Variants in MYPN observed in about 807,000 individuals in gnomAD.
MYPN encodes sarcomeric protein myopalladin, 145 kDa (MYOP).
In MYPN, 63 loss-of-function variants were observed where a neutral mutation model predicts 129.4. The observed-to-expected ratio is 0.49, with a 90% CI of 0.40 to 0.60. The LOEUF (loss-of-function observed/expected upper bound fraction) is 0.60, where lower values mean the gene tolerates loss of function less well. Ranked by LOEUF, MYPN falls within the 20% of genes least tolerant of loss-of-function variation. MYPN has a pLI of 0.00. For synonymous variants in MYPN, 629 were observed against 600.9 expected, an observed-to-expected ratio of 1.05 and a Z score of -0.68; for missense variants, 1,596 against 1,635.4, an observed-to-expected ratio of 0.98 and a Z score of 0.42.
chr10:68,185,864 C>A (rs1202038201), intron 12 of MYPN, among the ~76,000 whole-genome samples: 1 of 152,060 alleles, frequency 6.6e-6, no homozygotes, highest in Non-Finnish European at 1.5e-5. Flanking sequence ...TTTAAACTGG[C>A]AAGTCTAGAA....
rs1283501759 is a variant in MYPN, at chr10:68,121,615, C to G, written c.177C>G (p.Asp59Glu). 9.3e-6 allele frequency: 15 copies of G among 1,614,120 alleles called. No individual in the cohort carries two copies. The highest frequency in any genetic ancestry group is 1.3e-5 in the Non-Finnish European group (15 of 1,180,048). Residue 59 changes from aspartate (D) to glutamate (E), a missense_variant, in exon 2 of 20, where the codon GAC becomes GAG. By Grantham distance (45) the Asp-to-Glu change is conservative. Coordinates refer to ENST00000358913, the MANE Select transcript of MYPN (RefSeq NM_032578.4). The stretch of plus-strand genomic sequence containing the variant: ...CTGAAGGAGGCGGAGGCCAAGATGA[C>G]CTTCCAGATCTTTCAGCCTTTCTGA... ...GAAEGGGGQD[D>E]LPDLSAFLSQ...
chr10:68,188,862 T>A (rs752583923), intron 12 of MYPN, 43 bp from the exon 13 acceptor site: 1 of 1,544,758 alleles, frequency 6.5e-7, no homozygotes, highest in Admixed American at 1.7e-5. Context: ...GACATGTTCT[T>A]CCTTGCCATA....
intron 17 of MYPN, among the ~76,000 whole-genome samples, chr10:68,200,712 T>C (rs2043695323): frequency 6.6e-6 from 1 of 151,544 alleles, no homozygotes; most frequent in Admixed American, 6.6e-5. Context: ...CAGCCAAGAT[T>C]GCACCACTGC....
rs1165931583 is a variant in MYPN at position 68,211,665 on chromosome 10, C to G, written c.*1210C>G. ...CTAGTACCTAGAAGAGTACCTAGCACAAAGTAGACATTCAATAAATATTTG... is the reference window on the plus strand; with the variant it reads ...CTAGTACCTAGAAGAGTACCTAGCAGAAAGTAGACATTCAATAAATATTTG... On this transcript the variant is annotated 3_prime_UTR_variant, in exon 20 of 20. Transcript: ENST00000358913. 6.6e-6 allele frequency: 3 copies of G among 453,990 alleles called. No individual in the cohort carries two copies. Among genetic ancestry groups the G allele is most frequent in the African/African-American group, 6.0e-5 (3 of 49,998 alleles). 28.1% of individuals were successfully genotyped at this position (453,990 alleles called of 1,614,324 possible).
chr10:68,174,107 T>C lies in MYPN; in HGVS notation c.2015T>C (p.Leu672Pro), dbSNP rs750020097. 1.2e-6 allele frequency: 2 copies of C among 1,614,174 alleles called. No homozygotes were observed. The highest frequency in any genetic ancestry group is 1.7e-5 in the Admixed American group (1 of 60,022). Residue 672 changes from leucine to proline, a missense_variant, in exon 11 of 20, where the codon CTG becomes CCG. By Grantham distance (98) the Leu-to-Pro change is moderately conservative (BLOSUM62 -3). Transcript: ENST00000358913. The stretch of plus-strand genomic sequence containing the variant: ...CAACAGCTTCATAACCAAGTCTTAC[T>C]GGAACAACACCAATTGCAAAACCCA... ...QLQQLHNQVLLEQHQLQNPPP... is the reference protein window; with the variant it reads ...QLQQLHNQVLPEQHQLQNPPP...
At chr10:68,130,314 G>A (rs142798018) in intron 2 of MYPN, among the ~76,000 whole-genome samples, 3,292 of 152,090 alleles carry the variant, frequency 0.022, 68 homozygotes, top group Admixed American at 0.057. Context: ...ACAAAAATTA[G>A]CCAGGCGTGG....
intron 12 of MYPN, among the ~76,000 whole-genome samples, chr10:68,186,960 A>C (rs1210937463): frequency 6.6e-6 from 1 of 152,114 alleles, no homozygotes; most frequent in Non-Finnish European, 1.5e-5. Flanking sequence ...GAGTAAGAGG[A>C]ATCCAGGATG....
intron 4 of MYPN, among the ~76,000 whole-genome samples, chr10:68,146,381 A>G (rs2042667048): frequency 6.6e-6 from 1 of 152,142 alleles, no homozygotes; most frequent in Non-Finnish European, 1.5e-5. Context: ...TCTGTAATAA[A>G]CTTCTCCCCT....
At chr10:68,205,061 C>A (rs2043790862) in intron 18 of MYPN, among the ~76,000 whole-genome samples, 1 of 152,160 alleles carries the variant, frequency 6.6e-6, no homozygotes, top group Non-Finnish European at 1.5e-5. Context: ...AGTTTTCCCA[C>A]CCTTGAATTG....
intron 8 of MYPN, 83 bp downstream of exon 8, chr10:68,161,835 G>A (rs1001408527): frequency 1.8e-6 from 2 of 1,095,108 alleles, no homozygotes; most frequent in Non-Finnish European, 1.3e-6. Context: ...ACACTGAGAT[G>A]AATAAAAAGT....
At chr10:68,140,843 C>A (rs1018021223) in intron 2 of MYPN, among the ~76,000 whole-genome samples, 1 of 152,086 alleles carries the variant, frequency 6.6e-6, no homozygotes, top group Non-Finnish European at 1.5e-5. Context: ...AAGGCCAAGG[C>A]GGATGAATCG....
chr10:68,197,024 T>C (rs779166875), intron 15 of MYPN, among the ~76,000 whole-genome samples: 12 of 152,210 alleles, frequency 7.9e-5, no homozygotes, highest in Non-Finnish European at 1.6e-4. Flanking sequence ...TACTGATCTA[T>C]TTGTTTATTT....
chr10:68,136,851 G>A, intron 2 of MYPN: 1 of 1,073,774 alleles, frequency 9.3e-7, no homozygotes, highest in Non-Finnish European at 1.3e-6. Flanking sequence ...GAGTTACATT[G>A]CTTTAAAAGC....
chr10:68,109,009 C>T (rs1457946551), upstream of MYPN, among the ~76,000 whole-genome samples: 1 of 152,220 alleles, frequency 6.6e-6, no homozygotes. Context: ...GAGTGAGCCA[C>T]TGCGCCCAGC....
chr10:68,199,332 T>C (rs750321571), intron 16 of MYPN, 36 bp from the exon 17 acceptor site: 42 of 1,595,376 alleles, frequency 2.6e-5, no homozygotes, highest in Non-Finnish European at 3.6e-5. Context: ...GTGCCTGTCA[T>C]CAGTCATGTG....
At chr10:68,196,148 C>T (rs749905679) in intron 15 of MYPN, among the ~76,000 whole-genome samples, 7 of 152,162 alleles carry the variant, frequency 4.6e-5, no homozygotes, top group African/African-American at 1.7e-4. Context: ...ATCAGTAGCA[C>T]CTGCACACAT....
chr10:68,095,974 T>A (rs2133939484), intron 1 of MYPN, among the ~76,000 whole-genome samples: 1 of 152,314 alleles, frequency 6.6e-6, no homozygotes, highest in South Asian at 2.1e-4. Flanking sequence ...TATCTGGAGA[T>A]CAGATTTCAA....
At chr10:68,183,340 T>C (rs182693575) in intron 12 of MYPN, among the ~76,000 whole-genome samples, 42 of 152,180 alleles carry the variant, frequency 2.8e-4, no homozygotes, top group Non-Finnish European at 3.1e-4. Flanking sequence ...TGTGTGCCTG[T>C]TGTCCCAGCT....
chr10:68,209,992 C>T (rs1170473809), intron 19 of MYPN, among the ~76,000 whole-genome samples: 3 of 152,074 alleles, frequency 2.0e-5, no homozygotes, highest in South Asian at 2.1e-4. Context: ...CGTGCCTGGC[C>T]GCATCTTAGA....
Sources: gnomAD v4.1 joint callset for allele counts (sites outside exome capture counted in the v4.1 genomes callset) on GRCh38, gnomAD v4.1.1 for gene constraint, MANE v1.5 for transcripts, NCBI Gene and HGNC (gene_info 2026-07-23, HGNC 2026-07-21) for gene names.